The following ITFG1 variants were observed in gnomAD, a reference collection of about 807,000 sequenced individuals.
ITFG1 encodes the protein T-cell immunomodulatory protein.
A neutral mutation model predicts 81.8 loss-of-function variants in ITFG1; 34 were observed. The ratio of observed to expected loss-of-function variants is 0.42; its 90% CI spans 0.32 to 0.55. The LOEUF is 0.55. ITFG1 is among the 20% of genes least tolerant of loss of function. The probability of loss-of-function intolerance (pLI) is 0.17; values close to 1 mark genes in which losing one functional copy is unlikely to be tolerated. For missense variants in ITFG1, 672 were observed against 755.4 expected (o/e 0.89, Z 1.29); for synonymous variants, 285 against 270.6 (o/e 1.05, Z -0.52).
chr16:47,461,225 G>C (rs550286041), upstream of ITFG1: 1 of 983,300 alleles, frequency 1.0e-6, no homozygotes, highest in East Asian at 2.6e-5. Flanking sequence ...GTGGAGCTAG[G>C]GTGAAAGCCG....
intron 14 of ITFG1, among the ~76,000 whole-genome samples, chr16:47,182,034 A>G (rs1165985952): frequency 6.6e-6 from 1 of 152,130 alleles, no homozygotes; most frequent in Non-Finnish European, 1.5e-5. Flanking sequence ...ACCCAGGGAC[A>G]CAAACACTGC....
chr16:47,394,116 C>T (rs1016860184), intron 6 of ITFG1, among the ~76,000 whole-genome samples: 1 of 152,158 alleles, frequency 6.6e-6, no homozygotes, highest in African/African-American at 2.4e-5. Context: ...ACAGATTCTA[C>T]ATGTTTTTGT....
chr16:47,348,985 A>G (rs1967905239), intron 8 of ITFG1, among the ~76,000 whole-genome samples: 1 of 152,196 alleles, frequency 6.6e-6, no homozygotes, highest in Non-Finnish European at 1.5e-5. Context: ...AGGAGAAATA[A>G]AATACTTTAC....
chr16:47,441,371 T>A (rs953467264), intron 5 of ITFG1, among the ~76,000 whole-genome samples: 3 of 151,852 alleles, frequency 2.0e-5, no homozygotes, highest in Admixed American at 1.3e-4. Context: ...GCAGAGACAC[T>A]ACAAAAAAAG....
chr16:47,175,868 A>T (rs535088775), intron 14 of ITFG1, among the ~76,000 whole-genome samples: 1 of 152,308 alleles, frequency 6.6e-6, no homozygotes, highest in South Asian at 2.1e-4. Context: ...CTTCTGCCTC[A>T]GCCTCCTGAG....
At chr16:47,450,482 G>C in intron 5 of ITFG1, 1 of 383,346 alleles carries the variant, frequency 2.6e-6, no homozygotes, top group South Asian at 1.9e-5. Flanking sequence ...AATAGGAAAT[G>C]TTAAAGTGTC....
intron 10 of ITFG1, among the ~76,000 whole-genome samples, chr16:47,284,425 C>T (rs1053171033): frequency 3.9e-5 from 6 of 152,076 alleles, no homozygotes; most frequent in South Asian, 2.1e-4. Flanking sequence ...TTACAAAACG[C>T]GTTCCTCACA....
intron 14 of ITFG1, 96 bp downstream of exon 14, chr16:47,218,772 A>ATT: frequency 5.2e-6 from 3 of 575,642 alleles, no homozygotes; most frequent in Non-Finnish European, 8.8e-6. Flanking sequence ...GATGTTATTA[A>ATT]GGAGTGTGAA....
At chr16:47,285,860 C>T (rs1966867638) in intron 10 of ITFG1, among the ~76,000 whole-genome samples, 1 of 152,220 alleles carries the variant, frequency 6.6e-6, no homozygotes, top group South Asian at 2.1e-4. Flanking sequence ...CTTTCATGTA[C>T]CCTCTGCCTC....
At chr16:47,157,686 GA>G (rs1333150997) in intron 17 of ITFG1, 1 of 152,148 alleles carries the variant, frequency 6.6e-6, no homozygotes, top group Admixed American at 6.5e-5. Flanking sequence ...TACTGTTTTT[GA>G]TATGTAAAGG....
chr16:47,190,203 T>C (rs1325037778), intron 14 of ITFG1, among the ~76,000 whole-genome samples: 1 of 152,120 alleles, frequency 6.6e-6, no homozygotes, highest in East Asian at 1.9e-4. Flanking sequence ...GGGGCCTTTT[T>C]TTAGTAGGAA....
intron 8 of ITFG1, among the ~76,000 whole-genome samples, chr16:47,353,067 G>A (rs1471099680): frequency 6.6e-6 from 1 of 151,886 alleles, no homozygotes; most frequent in Non-Finnish European, 1.5e-5. Flanking sequence ...TGTGGGGTAG[G>A]GTGAGGGGGG....
At position 47,231,928 on chromosome 16, in the gene ITFG1, C is replaced by T. The variant is rs561481432; in HGVS notation, c.1374+6037G>A. Among the ~76,000 whole-genome samples the T allele has an allele frequency of 7.7e-4, 117 of 152,204 alleles. 1 individual carries two copies. The highest frequency in any genetic ancestry group is 2.4e-3 in the African/African-American group (98 of 41,530). ...TCTTGCAATATCCAGGTGGGGCTAACGTAATCACAAAGCTCCCCATAGGAG... is the reference window on the plus strand; with the variant it reads ...TCTTGCAATATCCAGGTGGGGCTAATGTAATCACAAAGCTCCCCATAGGAG... On this transcript the variant is annotated intron_variant, in intron 13 of 17. Coordinates refer to ENST00000320640, the MANE Select transcript of ITFG1 (RefSeq NM_030790.5).
At chr16:47,457,600 A>G (rs201718224) in intron 2 of ITFG1, among the ~76,000 whole-genome samples, 1 of 152,110 alleles carries the variant, frequency 6.6e-6, no homozygotes, top group Admixed American at 6.5e-5. Flanking sequence ...AGAGAGAAAC[A>G]GGGGTGTGGG....
chr16:47,236,761 G>A (rs988686284), intron 13 of ITFG1, among the ~76,000 whole-genome samples: 2 of 152,128 alleles, frequency 1.3e-5, no homozygotes, highest in African/African-American at 2.4e-5. Flanking sequence ...TGATATAAAA[G>A]TATATGGGTT....
chr16:47,158,998 TAAA>T lies in ITFG1; in HGVS notation c.1662-11_1662-9del, dbSNP rs1444169781. 4 of 1,373,312 alleles carry T rather than the reference TAAA, an allele frequency of 2.9e-6. No individual in the cohort carries two copies. Among genetic ancestry groups the T allele is most frequent in the Non-Finnish European group, 4.0e-6 (4 of 1,001,608 alleles). The allele number at this position is 1,373,312 out of a possible 1,614,324, so 85.1% of individuals were successfully genotyped here. A position where few individuals can be genotyped will look rare whatever the true frequency, so the allele number is the denominator to read the frequency against. On this transcript the variant is annotated splice_polypyrimidine_tract_variant and intron_variant, in intron 16 of 17. Transcript: ENST00000320640. ...TACAGTTTGGCACTCCAACTGTAGA[TAAA>T]AACAGAACAAATTAAAATTACAAAT...
At chr16:47,168,475 G>C (rs556832063) in intron 14 of ITFG1, among the ~76,000 whole-genome samples, 3 of 151,892 alleles carry the variant, frequency 2.0e-5, no homozygotes, top group African/African-American at 7.2e-5. Context: ...CTGGGCTCCA[G>C]TGATCCCAGC....
intron 8 of ITFG1, among the ~76,000 whole-genome samples, chr16:47,342,025 T>C (rs1012308816): frequency 6.6e-6 from 1 of 152,172 alleles, no homozygotes; most frequent in Non-Finnish European, 1.5e-5. Context: ...TCTCAAATTC[T>C]TCCAGAAAAA....
intron 6 of ITFG1, among the ~76,000 whole-genome samples, chr16:47,428,534 AAC>A (rs1969052589): frequency 6.7e-6 from 1 of 149,138 alleles, no homozygotes; most frequent in South Asian, 2.1e-4. Flanking sequence ...AACAGCAGGC[AAC>A]ATGTGCTGAA....
Sources: allele counts gnomAD v4.1 joint callset (sites outside exome capture counted in the v4.1 genomes callset), GRCh38; gene constraint gnomAD v4.1.1; transcripts MANE v1.5; gene names NCBI Gene and HGNC (gene_info 2026-07-23, HGNC 2026-07-21).